Variants in DNAH17 observed in about 807,000 individuals in gnomAD.
DNAH17 encodes axonemal beta dynein heavy chain 17.
A neutral mutation model predicts 485.6 loss-of-function variants in DNAH17; 376 were observed. That is an observed-to-expected ratio of 0.77 (90% CI 0.71 to 0.84). The LOEUF (loss-of-function observed/expected upper bound fraction) is 0.84. DNAH17 is among the 40% of genes least tolerant of loss of function. The pLI is 0.00. For synonymous variants in DNAH17, 3,031 were observed against 2,405.9 expected (o/e 1.26, Z -7.60); for missense variants, 6,370 against 5,839.3 (o/e 1.09, Z -2.96).
At chr17:78,541,200 T>G (rs1438452457) in intron 17 of DNAH17, among the ~76,000 whole-genome samples, 1 of 2,108 alleles carries the variant, frequency 4.7e-4, no homozygotes, top group Non-Finnish European at 7.4e-4. Flanking sequence ...GGTGGGGGGG[T>G]GAGCGGATGG....
At chr17:78,438,060 C>T (rs1010553677) in intron 73 of DNAH17, among the ~76,000 whole-genome samples, 192 bp from the exon 74 acceptor site, 7 of 152,134 alleles carry the variant, frequency 4.6e-5, no homozygotes, top group East Asian at 3.9e-4. Flanking sequence ...AGGATGTCTT[C>T]GGCGAAGCAA....
intron 26 of DNAH17, chr17:78,510,757 C>CCCCCA: frequency 2.3e-6 from 1 of 431,252 alleles, no homozygotes; most frequent in Non-Finnish European, 4.3e-6. Flanking sequence ...TGCGGCCCCC[C>CCCCCA]CGCAAAATTC....
At chr17:78,529,875 C>G (rs2091183490) in intron 21 of DNAH17, among the ~76,000 whole-genome samples, 181 bp from the exon 22 acceptor site, 2 of 152,206 alleles carry the variant, frequency 1.3e-5, no homozygotes, top group Non-Finnish European at 2.9e-5. Context: ...AGCCCCTGCC[C>G]AGACATCACC....
intron 21 of DNAH17, 151 bp downstream of exon 21, chr17:78,530,192 G>A (rs1003792617): frequency 8.8e-5 from 78 of 881,460 alleles, no homozygotes; most frequent in Middle Eastern, 3.5e-4. Flanking sequence ...TTCTGCTCAC[G>A]CTTGGTGGGG....
In DNAH17 at chr17:78,475,699, G is replaced by C. The variant is rs1402229700; in HGVS notation, c.8289C>G (p.Ser2763Arg). ...LNKLLVDVLDSYNEVNAVMNL... is the reference protein window; with the variant it reads ...LNKLLVDVLDRYNEVNAVMNL... The stretch of plus-strand genomic sequence containing the variant: ...TCATGACTGCATTAACTTCATTGTA[G>C]CTGTCCAGGACGTCCACGAGGAGCT... Residue 2763 changes from serine to arginine, a missense_variant, in exon 53 of 81, where the codon AGC becomes AGG. Coordinates refer to ENST00000389840, the MANE Select transcript of DNAH17 (RefSeq NM_173628.4). 2 of 1,613,742 alleles carry C rather than the reference G, an allele frequency of 1.2e-6. No individual in the cohort carries two copies. The highest frequency in any genetic ancestry group is 1.1e-5 in the South Asian group (1 of 91,070).
chr17:78,455,331 T>A (rs1385533619), intron 63 of DNAH17, among the ~76,000 whole-genome samples: 1 of 48,946 alleles, frequency 2.0e-5, no homozygotes, highest in East Asian at 6.8e-4. Flanking sequence ...TAGGACTCCA[T>A]TTTTTTTTTT....
rs748577932 is a variant in DNAH17 at position 78,529,509 on chromosome 17, C to G, written c.3470G>C (p.Gly1157Ala). 4.3e-6 allele frequency: 7 copies of G among 1,613,876 alleles called. No individual in the cohort carries two copies. The Admixed American group carries it at 1.2e-4, about 27-fold the overall frequency. Reference sequence around the variant, plus strand: ...GTGGATCTCCTCTGGCATCTCCTCCCCGTAGGTCTTGAGCAGCTCGATGGT... The same window carrying G: ...GTGGATCTCCTCTGGCATCTCCTCCGCGTAGGTCTTGAGCAGCTCGATGGT... ...KQTIELLKTYGEEMPEEIHLK... is the reference protein window; with the variant it reads ...KQTIELLKTYAEEMPEEIHLK... Residue 1157 changes from glycine (G) to alanine (A), a missense_variant, in exon 22 of 81, where the codon GGG becomes GCG. Coordinates refer to ENST00000389840, the MANE Select transcript of DNAH17 (RefSeq NM_173628.4).
chr17:78,484,739 A>ACCCCCCTGC, intron 48 of DNAH17, 129 bp downstream of exon 48: 2 of 347,798 alleles, frequency 5.8e-6, no homozygotes, highest in Non-Finnish European at 9.1e-6. Context: ...ACGTTGCAGC[A>ACCCCCCTGC]CCCCCCCCAC....
At position 78,449,533 on chromosome 17, in the gene DNAH17, C is replaced by T. The variant is rs182779331; in HGVS notation, c.11092G>A (p.Glu3698Lys). 5.0e-5 allele frequency: 80 copies of T among 1,602,202 alleles called. No individual in the cohort carries two copies. The highest frequency in any genetic ancestry group is 4.5e-4 in the East Asian group (20 of 44,448). The change falls in exon 69 of 81, where the codon GAG becomes AAG. Residue 3698 changes from glutamate (E) to lysine (K), a missense_variant. Coordinates refer to ENST00000389840, the MANE Select transcript of DNAH17 (RefSeq NM_173628.4). Reference sequence around the variant, plus strand: ...AGGTTGATCACCCGCTGCTTCACCTCGTTGGCAGGGGTGGTCCTCTGGATG... The same window carrying T: ...AGGTTGATCACCCGCTGCTTCACCTTGTTGGCAGGGGTGGTCCTCTGGATG... ...KAIQRTTPAN[E>K]VKQRVINLTD...
intron 16 of DNAH17, 24 bp from the exon 17 acceptor site, chr17:78,544,021 G>A (rs778309238): frequency 1.2e-6 from 2 of 1,613,668 alleles, no homozygotes; most frequent in Non-Finnish European, 1.7e-6. Flanking sequence ...ACAGGAGTGA[G>A]AAAAGGTGTT....
chr17:78,482,572 T>C (rs1352701513), intron 48 of DNAH17, among the ~76,000 whole-genome samples: 1 of 152,174 alleles, frequency 6.6e-6, no homozygotes, highest in African/African-American at 2.4e-5. Context: ...TCTGAAACTT[T>C]TGCCTGCGCA....
At chr17:78,425,301 C>T (rs2086392613) in intron 80 of DNAH17, 45 bp downstream of exon 80, 1 of 1,573,784 alleles carries the variant, frequency 6.4e-7, no homozygotes, top group South Asian at 1.1e-5. Context: ...TGGCAAGTAG[C>T]ACTGGCTCTG....
chr17:78,570,686 C>T (rs191216690), intron 6 of DNAH17, among the ~76,000 whole-genome samples: 270 of 151,768 alleles, frequency 1.8e-3, no homozygotes, highest in African/African-American at 6.2e-3. Flanking sequence ...AATGAAACCC[C>T]ATCTCTACTA....
At position 78,459,758 on chromosome 17, in the gene DNAH17, G is replaced by A. The variant is rs372180270; in HGVS notation, c.9653+26C>T. On this transcript the variant is annotated intron_variant, in intron 60 of 80. Transcript: ENST00000389840. ...TGATGGAGAATCGGAGGGAAGCCCCGGCTACGAGGCCCAGCCCCGACTCAC... is the reference window on the plus strand; with the variant it reads ...TGATGGAGAATCGGAGGGAAGCCCCAGCTACGAGGCCCAGCCCCGACTCAC... The A allele has an allele frequency of 5.9e-5, 95 of 1,612,254 alleles. No individual in the cohort carries two copies. In the African/African-American group the frequency reaches 7.3e-4, roughly 12 times the overall value.
chr17:78,463,561 T>C (rs1019954565), intron 56 of DNAH17, among the ~76,000 whole-genome samples: 7 of 152,202 alleles, frequency 4.6e-5, no homozygotes, highest in African/African-American at 1.2e-4. Flanking sequence ...TACCTGCACA[T>C]ATACACATGC....
At chr17:78,485,467 G>A (rs937386815) in intron 47 of DNAH17, 83 bp downstream of exon 47, 2 of 1,340,840 alleles carry the variant, frequency 1.5e-6, no homozygotes, top group Admixed American at 4.1e-5. Flanking sequence ...TGAGTGCCTG[G>A]GCCTGCAGTG....
At chr17:78,487,039 T>C (rs1258782753) in intron 44 of DNAH17, among the ~76,000 whole-genome samples, 1 of 150,770 alleles carries the variant, frequency 6.6e-6, no homozygotes, top group Non-Finnish European at 1.5e-5. Flanking sequence ...GAATTTGCCA[T>C]GTTCAGTGTA....
chr17:78,570,104 G>A lies in DNAH17; in HGVS notation c.1044+143C>T. 5 of 949,986 alleles carry A rather than the reference G, an allele frequency of 5.3e-6. No homozygotes were observed. The South Asian group carries it at 8.7e-5, about 17-fold the overall frequency. 58.8% of individuals were successfully genotyped at this position (949,986 alleles called of 1,614,324 possible). On this transcript the variant is annotated intron_variant, in intron 7 of 80. Coordinates refer to ENST00000389840, the MANE Select transcript of DNAH17 (RefSeq NM_173628.4). ...TAGCCTTGAAGAGGGCTCCATCTCA[G>A]CTCGGGGCCTGAAAAGGCTTGTGCT... is the stretch of plus-strand genomic sequence containing the variant.
chr17:78,538,535 A>G (rs1287680437), intron 18 of DNAH17, among the ~76,000 whole-genome samples: 2 of 152,196 alleles, frequency 1.3e-5, no homozygotes, highest in Non-Finnish European at 2.9e-5. Flanking sequence ...GGGCTGTATC[A>G]GTATCTGAGT....
Sources: gnomAD v4.1 joint callset for allele counts (sites outside exome capture counted in the v4.1 genomes callset) on GRCh38, gnomAD v4.1.1 for gene constraint, MANE v1.5 for transcripts, NCBI Gene and HGNC (gene_info 2026-07-23, HGNC 2026-07-21) for gene names.